Variants in LRRC37A3 observed in about 807,000 individuals in gnomAD.
LRRC37A3 encodes leucine-rich repeat-containing protein 37A3.
LRRC37A3 carries 25 observed loss-of-function variants against 106.2 expected under a neutral mutation model. The ratio of observed to expected loss-of-function variants is 0.24; its 90% confidence interval spans 0.17 to 0.33. The LOEUF is 0.33. Among genes scored for constraint, LRRC37A3 ranks in the 10% least tolerant of loss-of-function variants. LRRC37A3 has a pLI of 1.00. For synonymous variants in LRRC37A3, 305 were observed against 635.8 expected (o/e 0.48, Z 7.83); for missense variants, 712 against 1,644.9 (o/e 0.43, Z 9.81).
At chr17:64,862,845 A>G in intron 11 of LRRC37A3, 55 bp downstream of exon 11, 1 of 1,582,634 alleles carries the variant, frequency 6.3e-7, no homozygotes, top group Non-Finnish European at 8.6e-7. Context: ...AAAAATAAAA[A>G]GTTTAAAAAC....
intron 2 of LRRC37A3, chr17:64,910,263 C>T (rs1974559334): frequency 6.6e-6 from 1 of 152,262 alleles, no homozygotes; most frequent in Non-Finnish European, 1.5e-5. Flanking sequence ...AATGTCACCT[C>T]TACTACCCTT....
chr17:64,854,755 G>A, intron 14 of LRRC37A3, 111 bp from the exon 15 acceptor site: 1 of 1,611,830 alleles, frequency 6.2e-7, no homozygotes, highest in Non-Finnish European at 8.5e-7. Context: ...ATTTACCCAG[G>A]GTCCCTGTTG....
rs1186166709 is a variant in LRRC37A3, at chr17:64,866,753, C to T, written c.3053+1709G>A. On this transcript the variant is annotated intron_variant, in intron 10 of 14. Coordinates refer to ENST00000584306, the MANE Select transcript of LRRC37A3 (RefSeq NM_199340.5). ...TCAAGTGATCCTCCTGACTCAGGTT[C>T]CCTAGTAGCTGGGACTACAGGCGTG... Among the ~76,000 whole-genome samples the T allele has an allele frequency of 4.3e-5, 6 of 138,988 alleles. No individual in the cohort carries two copies. In the Admixed American group the frequency reaches 4.3e-4, roughly 10 times the overall value. 91.2% of individuals were successfully genotyped at this position (138,988 alleles called of 152,430 possible). A position where few individuals can be genotyped will look rare whatever the true frequency, so the allele number is the denominator to read the frequency against.
chr17:64,859,785 A>G lies in LRRC37A3; in HGVS notation c.4361T>C (p.Leu1454Pro), dbSNP rs559796268. The G allele has an allele frequency of 1.5e-5, 24 of 1,612,334 alleles. 2 individuals carry two copies. The Admixed American group carries it at 3.5e-4, about 24-fold the overall frequency. The part of the protein sequence containing the change: ...KWEYNNVGTD[L>P]SPEPKSFNYP... ...ATTGAAGCTTTTGGGCTCGGGGGACAGGTCAGTGCCCACGTTGTTGTATTC... is the reference window on the plus strand; with the variant it reads ...ATTGAAGCTTTTGGGCTCGGGGGACGGGTCAGTGCCCACGTTGTTGTATTC... The change falls in exon 12 of 15, where the codon CTG (leucine) becomes CCG (proline). Residue 1454 changes from leucine to proline, a missense_variant. Coordinates refer to ENST00000584306, the MANE Select transcript of LRRC37A3 (RefSeq NM_199340.5).
chr17:64,909,634 C>T (rs1435849134), intron 2 of LRRC37A3: 1 of 152,226 alleles, frequency 6.6e-6, no homozygotes, highest in African/African-American at 2.4e-5. Flanking sequence ...AATGGATACT[C>T]CCCTTACCAA....
At chr17:64,887,238 G>A (rs1305597647) in intron 6 of LRRC37A3, among the ~76,000 whole-genome samples, 1 of 8,848 alleles carries the variant, frequency 1.1e-4, no homozygotes, top group African/African-American at 1.2e-3. Flanking sequence ...GGCCGGGTGC[G>A]GTGGCTCAGG....
At position 64,890,657 on chromosome 17, in the gene LRRC37A3, C is replaced by G. The variant is rs530467567; in HGVS notation, c.2682-905G>C. On this transcript the variant is annotated intron_variant, in intron 5 of 14. Coordinates refer to ENST00000584306, the MANE Select transcript of LRRC37A3 (RefSeq NM_199340.5). ...GACCAGCCTGGCCAACATGGTGAAA[C>G]CCTGTCTCTACTAAAAATATAAAAA... Among the ~76,000 whole-genome samples, 8 of 137,146 alleles carry G rather than the reference C, an allele frequency of 5.8e-5. No individual in the cohort carries two copies. In the South Asian group the frequency reaches 1.5e-3, roughly 27 times the overall value. The allele number at this position is 137,146 out of a possible 152,430, so 90.0% of individuals were successfully genotyped here. A position where few individuals can be genotyped will look rare whatever the true frequency, so the allele number is the denominator to read the frequency against.
chr17:64,859,686 T>C lies in LRRC37A3; in HGVS notation c.4460A>G (p.Asn1487Ser). Residue 1487 changes from asparagine (N) to serine (S), a missense_variant, in exon 12 of 15, where the codon AAC becomes AGC. By Grantham distance (46) the Asn-to-Ser change is conservative. Transcript: ENST00000584306. Reference protein sequence around the residue: ...LTQQLQSVIPNNNVRRLIAHV... With the variant: ...LTQQLQSVIPSNNVRRLIAHV... ...AGCAATGAGCCTTCTCACATTGTTG[T>C]TGGGGATAACGGACTGCAGCTGCTG... 1.2e-6 allele frequency: 2 copies of C among 1,613,762 alleles called. No individual in the cohort carries two copies. The highest frequency in any genetic ancestry group is 1.7e-6 in the Non-Finnish European group (2 of 1,179,982).
At chr17:64,881,050 C>T in intron 8 of LRRC37A3, 5 of 698,852 alleles carry the variant, frequency 7.2e-6, no homozygotes, top group East Asian at 2.7e-5. Context: ...ATGACCTAGA[C>T]CCTCACCCAA....
chr17:64,866,580 ATACACG>A (rs1325826389), intron 10 of LRRC37A3, among the ~76,000 whole-genome samples: 14 of 94,838 alleles, frequency 1.5e-4, no homozygotes, highest in Admixed American at 2.2e-4. Context: ...ATATACATAT[ATACACG>A]TACATATATA....
At chr17:64,867,511 T>G (rs1598400326) in intron 10 of LRRC37A3, among the ~76,000 whole-genome samples, 2 of 152,064 alleles carry the variant, frequency 1.3e-5, no homozygotes. Context: ...GATGCTGAGG[T>G]CTTTTTTATG....
intron 2 of LRRC37A3, among the ~76,000 whole-genome samples, chr17:64,918,306 T>G (rs1359430948): frequency 7.9e-5 from 12 of 151,086 alleles, no homozygotes; most frequent in Admixed American, 2.0e-4. Flanking sequence ...TAAATTGGGA[T>G]AGCATACTAA....
rs914605533 is a variant in LRRC37A3, at chr17:64,854,210, G to A, written c.*389C>T. The A allele has an allele frequency of 4.6e-5, 14 of 302,892 alleles. No homozygotes were observed. The highest frequency in any genetic ancestry group is 7.0e-5 in the East Asian group (1 of 14,188). The allele number at this position is 302,892 out of a possible 1,614,324, so 18.8% of individuals were successfully genotyped here. On this transcript the variant is annotated 3_prime_UTR_variant, in exon 15 of 15. Coordinates refer to ENST00000584306, the MANE Select transcript of LRRC37A3 (RefSeq NM_199340.5). ...ACCAAGTCGGGATGAACATTCATGC[G>A]TGTGCTTGAGGGCTTGGGAAAAAGA... is the stretch of plus-strand genomic sequence containing the variant.
At chr17:64,904,485 TAATA>T (rs879445985) in intron 2 of LRRC37A3, among the ~76,000 whole-genome samples, 77 of 148,946 alleles carry the variant, frequency 5.2e-4, no homozygotes, top group South Asian at 3.4e-3. Flanking sequence ...TAAAAAATAA[TAATA>T]AATAGATAAA....
At chr17:64,868,838 T>C (rs2143437230) in intron 9 of LRRC37A3, among the ~76,000 whole-genome samples, 1 of 152,330 alleles carries the variant, frequency 6.6e-6, no homozygotes, top group East Asian at 1.9e-4. Flanking sequence ...TTTGCTTTCT[T>C]GGTTAAATAA....
At chr17:64,903,711 C>T (rs1192205727) in intron 2 of LRRC37A3, among the ~76,000 whole-genome samples, 2 of 152,126 alleles carry the variant, frequency 1.3e-5, no homozygotes, top group East Asian at 1.9e-4. Context: ...GCCTACAGCC[C>T]TGCCTCTGAC....
chr17:64,868,274 G>T (rs910877364), intron 10 of LRRC37A3, among the ~76,000 whole-genome samples, 188 bp downstream of exon 10: 4 of 152,088 alleles, frequency 2.6e-5, no homozygotes, highest in African/African-American at 9.7e-5. Context: ...CATCAGAAAT[G>T]CTTTATATTG....
At chr17:64,881,172 C>T in intron 8 of LRRC37A3, 1 of 700,952 alleles carries the variant, frequency 1.4e-6, no homozygotes, top group East Asian at 2.7e-5. Flanking sequence ...CCTCGGACTG[C>T]ATCACGTAAA....
rs373271596 is a variant in LRRC37A3, at chr17:64,867,692, A to C, written c.3053+770T>G. On this transcript the variant is annotated intron_variant, in intron 10 of 14. Coordinates refer to ENST00000584306, the MANE Select transcript of LRRC37A3 (RefSeq NM_199340.5). ...ATATTCTCCATCCATGGTTCGTTGAATCTATGGATGAGGAACCTGCAGATA... is the reference window on the plus strand; with the variant it reads ...ATATTCTCCATCCATGGTTCGTTGACTCTATGGATGAGGAACCTGCAGATA... 1.8e-3 allele frequency among the ~76,000 whole-genome samples: 270 copies of C among 151,556 alleles called. 2 individuals are homozygous for C. Among genetic ancestry groups the C allele is most frequent in the African/African-American group, 6.4e-3 (265 of 41,190 alleles).
Sources: allele counts gnomAD v4.1 joint callset (sites outside exome capture counted in the v4.1 genomes callset), GRCh38; gene constraint gnomAD v4.1.1; transcripts MANE v1.5; gene names NCBI Gene and HGNC (gene_info 2026-07-23, HGNC 2026-07-21).